CCDC102B: variants seen among roughly 807,000 people sequenced by gnomAD.
The protein encoded by CCDC102B is coiled-coil domain containing 102B, also known as coiled-coil domain-containing protein 102B.
In CCDC102B, 75 loss-of-function variants were observed where a neutral mutation model predicts 57.4. The ratio of observed to expected loss-of-function variants is 1.31; its 90% CI spans 1.08 to 1.58. The LOEUF is 1.58. Among genes scored for constraint, CCDC102B ranks in the 40% most tolerant of loss-of-function variants. The pLI is 0.00. For missense variants in CCDC102B, 636 were observed against 582.6 expected (o/e 1.09, Z -0.94); for synonymous variants, 206 against 201.9 (o/e 1.02, Z -0.17).
At chr18:68,972,653 A>G (rs2050332591) in intron 6 of CCDC102B, among the ~76,000 whole-genome samples, 1 of 152,208 alleles carries the variant, frequency 6.6e-6, no homozygotes, top group Non-Finnish European at 1.5e-5. Flanking sequence ...AGTTTTAGGA[A>G]TCTGCACAGA....
chr18:68,769,625 T>C (rs904150094), intron 2 of CCDC102B, among the ~76,000 whole-genome samples: 3 of 151,990 alleles, frequency 2.0e-5, no homozygotes, highest in African/African-American at 7.2e-5. Context: ...GAAAACATAC[T>C]CTCAACACGG....
At chr18:69,027,249 G>A (rs2052017350) in intron 7 of CCDC102B, among the ~76,000 whole-genome samples, 1 of 152,132 alleles carries the variant, frequency 6.6e-6, no homozygotes, top group South Asian at 2.1e-4. Flanking sequence ...CTGGAGGCAA[G>A]GCAATGGTTT....
At chr18:69,027,432 A>G (rs1425942745) in intron 7 of CCDC102B, among the ~76,000 whole-genome samples, 1 of 152,212 alleles carries the variant, frequency 6.6e-6, no homozygotes, top group African/African-American at 2.4e-5. Context: ...ATATTTTTGT[A>G]CTCAGCCAAT....
intron 6 of CCDC102B, among the ~76,000 whole-genome samples, chr18:69,000,054 T>A (rs1408590150): frequency 6.6e-6 from 1 of 152,166 alleles, no homozygotes; most frequent in Non-Finnish European, 1.5e-5. Context: ...AACTTTCACA[T>A]AAGGAATGTC....
At chr18:68,789,964 T>C (rs1188204036) in intron 2 of CCDC102B, among the ~76,000 whole-genome samples, 2 of 151,546 alleles carry the variant, frequency 1.3e-5, no homozygotes, top group African/African-American at 2.4e-5. Flanking sequence ...TGTGGTTTTA[T>C]CTACTTTTGG....
intron 6 of CCDC102B, among the ~76,000 whole-genome samples, chr18:68,956,727 C>T (rs1040043487): frequency 6.1e-5 from 9 of 147,274 alleles, no homozygotes; most frequent in African/African-American, 2.3e-4. Flanking sequence ...AGTGGTAGTA[C>T]TAATTTACAT....
At chr18:68,782,402 T>C (rs2144637454) in intron 2 of CCDC102B, among the ~76,000 whole-genome samples, 1 of 152,242 alleles carries the variant, frequency 6.6e-6, no homozygotes, top group Non-Finnish European at 1.5e-5. Flanking sequence ...TTATTCCTTT[T>C]CCTCTTCTCT....
At chr18:68,990,633 C>T (rs1010748609) in intron 6 of CCDC102B, among the ~76,000 whole-genome samples, 1 of 152,090 alleles carries the variant, frequency 6.6e-6, no homozygotes, top group Non-Finnish European at 1.5e-5. Context: ...CATTATATTA[C>T]TCTCATTGTT....
intron 6 of CCDC102B, among the ~76,000 whole-genome samples, chr18:68,983,626 AG>A: frequency 6.6e-6 from 1 of 152,106 alleles, no homozygotes; most frequent in African/African-American, 2.4e-5. Flanking sequence ...TGAACTGAAA[AG>A]TTTGAAAAAA....
Position 69,054,504 on chromosome 18 carries a change from A to T in CCDC102B, c.*367A>T. ...TGGGTCATTAATAAGAAAACCATTG[A>T]CTTTAAGTATAAAGTACTGGTTTGT... On this transcript the variant is annotated 3_prime_UTR_variant, in exon 8 of 8. Coordinates refer to ENST00000360242, the MANE Select transcript of CCDC102B (RefSeq NM_024781.3). 2 of 1,000,876 alleles carry T rather than the reference A, an allele frequency of 2.0e-6. No individual in the cohort carries two copies. The highest frequency in any genetic ancestry group is 2.4e-6 in the Non-Finnish European group (2 of 840,298). 62.0% of individuals were successfully genotyped at this position (1,000,876 alleles called of 1,614,324 possible). A position where few individuals can be genotyped will look rare whatever the true frequency, so the allele number is the denominator to read the frequency against.
At chr18:69,034,333 T>C (rs887036902) in intron 7 of CCDC102B, among the ~76,000 whole-genome samples, 7 of 152,042 alleles carry the variant, frequency 4.6e-5, no homozygotes. Flanking sequence ...CTAAGGGTTT[T>C]ATAGTTTTAG....
At chr18:68,878,796 A>T (rs533323186) in intron 5 of CCDC102B, among the ~76,000 whole-genome samples, 45 of 152,286 alleles carry the variant, frequency 3.0e-4, no homozygotes, top group African/African-American at 1.1e-3. Flanking sequence ...CAGATGGGCA[A>T]GTGTAATTAT....
intron 5 of CCDC102B, 110 bp downstream of exon 5, chr18:68,874,895 A>G (rs2039384996): frequency 1.5e-6 from 1 of 669,202 alleles, no homozygotes; most frequent in Non-Finnish European, 2.6e-6. Context: ...ACTTTATGAA[A>G]GTGAATGCTG....
intron 5 of CCDC102B, among the ~76,000 whole-genome samples, chr18:68,879,459 A>G (rs555733779): frequency 1.3e-5 from 2 of 152,284 alleles, no homozygotes; most frequent in Non-Finnish European, 2.9e-5. Context: ...GGTAGAGTCC[A>G]GTGGTCTGTT....
At chr18:68,873,918 C>T (rs989308871) in intron 4 of CCDC102B, among the ~76,000 whole-genome samples, 1 of 122,766 alleles carries the variant, frequency 8.1e-6, no homozygotes, top group African/African-American at 2.6e-5. Flanking sequence ...CAAAACATAG[C>T]TTAAAATATA....
At chr18:68,816,312 T>C (rs2036470543) in intron 1 of CCDC102B, among the ~76,000 whole-genome samples, 1 of 152,210 alleles carries the variant, frequency 6.6e-6, no homozygotes, top group African/African-American at 2.4e-5. Flanking sequence ...TATTGTAGCA[T>C]ATATTCTAAC....
In CCDC102B at chr18:68,874,660, C is replaced by T; in HGVS notation, c.937-9C>T. Reference sequence around the variant, plus strand: ...ATCCTGTGATTGTAATTTCAACTTTCTTTTTCAGTTTGACATTCTTCTTGG... The same window carrying T: ...ATCCTGTGATTGTAATTTCAACTTTTTTTTTCAGTTTGACATTCTTCTTGG... On this transcript the variant is annotated splice_polypyrimidine_tract_variant and intron_variant, in intron 4 of 7. Coordinates refer to ENST00000360242, the MANE Select transcript of CCDC102B (RefSeq NM_024781.3). 1.3e-6 allele frequency: 2 copies of T among 1,562,788 alleles called. No homozygotes were observed. Among genetic ancestry groups the T allele is most frequent in the Non-Finnish European group, 1.8e-6 (2 of 1,134,628 alleles).
chr18:68,715,230 C>T (rs781626048), upstream of CCDC102B: 54 of 1,356,042 alleles, frequency 4.0e-5, no homozygotes, highest in Non-Finnish European at 5.0e-5. Flanking sequence ...ATCCTTTGCG[C>T]TCTCGGTGCC....
At chr18:68,978,964 T>A (rs977604790) in intron 6 of CCDC102B, among the ~76,000 whole-genome samples, 25 of 152,134 alleles carry the variant, frequency 1.6e-4, no homozygotes, top group Middle Eastern at 3.4e-3. Flanking sequence ...AAGAAGCAGA[T>A]ATGAAATATT....
Sources: allele counts gnomAD v4.1 joint callset (sites outside exome capture counted in the v4.1 genomes callset), GRCh38; gene constraint gnomAD v4.1.1; transcripts MANE v1.5; gene names NCBI Gene and HGNC (gene_info 2026-07-23, HGNC 2026-07-21).